The following TRHDE variants were observed in gnomAD, a reference collection of about 807,000 sequenced individuals.
TRHDE encodes the protein thyrotropin-releasing hormone-degrading ectoenzyme.
TRHDE carries 72 observed loss-of-function variants against 125.7 expected under a neutral mutation model. The observed-to-expected ratio is 0.57, with a 90% CI of 0.47 to 0.70. The LOEUF (loss-of-function observed/expected upper bound fraction) is 0.70, where lower values mean the gene tolerates loss of function less well. Ranked by LOEUF, TRHDE falls within the 30% of genes least tolerant of loss-of-function variation. TRHDE has a pLI of 0.00. For missense variants in TRHDE, 1,110 were observed against 1,327.1 expected (o/e 0.84, Z 2.54); for synonymous variants, 509 against 509.1 (o/e 1.00, Z 0.00).
chr12:72,455,319 G>T (rs1875791136), intron 3 of TRHDE, among the ~76,000 whole-genome samples: 1 of 152,034 alleles, frequency 6.6e-6, no homozygotes, highest in East Asian at 1.9e-4. Flanking sequence ...GTAATATAAT[G>T]ATAACAACCA....
chr12:72,576,114 A>C (rs534071697), intron 12 of TRHDE, among the ~76,000 whole-genome samples: 2 of 152,280 alleles, frequency 1.3e-5, no homozygotes, highest in South Asian at 4.1e-4. Flanking sequence ...ATAGTCATTA[A>C]ATGAAATGTT....
intron 3 of TRHDE, among the ~76,000 whole-genome samples, chr12:72,464,850 G>A (rs1876294840): frequency 1.3e-5 from 2 of 152,280 alleles, no homozygotes; most frequent in South Asian, 2.1e-4. Context: ...TTGAGGGTGA[G>A]TAGGAGGCAA....
intron 3 of TRHDE, among the ~76,000 whole-genome samples, chr12:72,390,951 G>A (rs1337715316): frequency 1.3e-5 from 2 of 152,036 alleles, no homozygotes; most frequent in African/African-American, 4.8e-5. Flanking sequence ...TAATATAAAA[G>A]GCGAGTCCTC....
chr12:72,641,311 AATTT>A (rs1448023849), intron 15 of TRHDE, among the ~76,000 whole-genome samples: 1 of 152,182 alleles, frequency 6.6e-6, no homozygotes, highest in Non-Finnish European at 1.5e-5. Flanking sequence ...ACAGTAACAG[AATTT>A]ATTTTTACAA....
At chr12:72,659,913 GAC>G (rs1483330462) in intron 18 of TRHDE, among the ~76,000 whole-genome samples, 2 of 152,090 alleles carry the variant, frequency 1.3e-5, no homozygotes, top group African/African-American at 4.8e-5. Flanking sequence ...AAGAAATAAA[GAC>G]ACAAGACAAA....
chr12:72,272,855 G>A lies in TRHDE; in HGVS notation c.212G>A (p.Arg71Gln), dbSNP rs774425790. 1.0e-5 allele frequency: 16 copies of A among 1,581,792 alleles called. No homozygotes were observed. Among genetic ancestry groups the A allele is most frequent in the Middle Eastern group, 3.6e-4 (2 of 5,486 alleles). The change falls in exon 1 of 19, where the codon CGA becomes CAA. Residue 71 changes from arginine to glutamine, a missense_variant. Transcript: ENST00000261180. The surrounding 1 kb of genome is among the most constrained non-coding windows in gnomAD (Gnocchi z 6.7). ...CCGTGGGCAGACTCAGTGGGAGTGCGACCCCGCACCACGGAGCGCCACATC... is the reference window on the plus strand; with the variant it reads ...CCGTGGGCAGACTCAGTGGGAGTGCAACCCCGCACCACGGAGCGCCACATC... ...SDPWADSVGV[R>Q]PRTTERHIAV... is the part of the protein sequence containing the mutation.
chr12:72,154,279 C>T (rs957353077), intron 2 of TRHDE, among the ~76,000 whole-genome samples: 3 of 152,110 alleles, frequency 2.0e-5, no homozygotes. Flanking sequence ...TTATTTTGAG[C>T]CTATGTGTGT....
intron 2 of TRHDE, among the ~76,000 whole-genome samples, chr12:72,128,020 A>T (rs981546415): frequency 6.6e-5 from 10 of 152,226 alleles, no homozygotes; most frequent in African/African-American, 2.4e-4. Context: ...CTGCAAAAAA[A>T]ACAGAACCCT....
intron 3 of TRHDE, among the ~76,000 whole-genome samples, chr12:72,409,096 G>A (rs1278501271): frequency 6.6e-6 from 1 of 152,154 alleles, no homozygotes; most frequent in African/African-American, 2.4e-5. Context: ...ATATCATAGT[G>A]AAGCATCAGT....
chr12:72,560,508 C>A (rs117207520), intron 7 of TRHDE: 2 of 152,250 alleles, frequency 1.3e-5, no homozygotes, highest in Non-Finnish European at 2.9e-5. Context: ...ATATTAGCAC[C>A]TTTTATTATT....
intron 2 of TRHDE, among the ~76,000 whole-genome samples, chr12:72,298,293 G>T (rs943753091): frequency 5.9e-5 from 9 of 152,266 alleles, no homozygotes; most frequent in African/African-American, 1.9e-4. Flanking sequence ...AGAGAGGAAG[G>T]AGATGATTCT....
intron 3 of TRHDE, among the ~76,000 whole-genome samples, chr12:72,421,803 C>CT (rs1873966839): frequency 6.6e-6 from 1 of 152,054 alleles, no homozygotes; most frequent in South Asian, 2.1e-4. Context: ...CACACTTAGG[C>CT]TTTTTTAGAC....
intron 2 of TRHDE, among the ~76,000 whole-genome samples, chr12:72,179,530 G>A (rs186682684): frequency 3.6e-4 from 55 of 151,984 alleles, no homozygotes; most frequent in African/African-American, 1.3e-3. Context: ...TGCTTTTCAT[G>A]GCATCCCTAC....
chr12:72,241,502 A>G (rs1878482469), intron 2 of TRHDE, among the ~76,000 whole-genome samples: 1 of 152,186 alleles, frequency 6.6e-6, no homozygotes, highest in African/African-American at 2.4e-5. Context: ...AGTAGTATTT[A>G]TTATAAATAT....
chr12:72,454,706 A>C (rs1341892272), intron 3 of TRHDE, among the ~76,000 whole-genome samples: 3 of 152,210 alleles, frequency 2.0e-5, no homozygotes, highest in African/African-American at 7.2e-5. Context: ...ACATATAAGT[A>C]GTCTGAGGAT....
intron 3 of TRHDE, among the ~76,000 whole-genome samples, chr12:72,427,487 A>G (rs1268761035): frequency 1.3e-5 from 2 of 150,870 alleles, no homozygotes; most frequent in Non-Finnish European, 3.0e-5. Flanking sequence ...ATTGGTTTTT[A>G]CTCTTCTTTT....
At chr12:72,288,537 A>G (rs1476285040) in intron 2 of TRHDE, among the ~76,000 whole-genome samples, 1 of 152,158 alleles carries the variant, frequency 6.6e-6, no homozygotes, top group Admixed American at 6.5e-5. Context: ...TTCTATGGGC[A>G]TTTCAAGGCT....
chr12:72,298,033 A>G (rs78787537), intron 2 of TRHDE, among the ~76,000 whole-genome samples: 3 of 152,306 alleles, frequency 2.0e-5, no homozygotes, highest in East Asian at 3.9e-4. Flanking sequence ...GCTTTGGCTT[A>G]TGGTGGATTC....
chr12:72,572,008 C>CACAT (rs1173942192), intron 10 of TRHDE, among the ~76,000 whole-genome samples: 1 of 151,256 alleles, frequency 6.6e-6, no homozygotes, highest in East Asian at 1.9e-4. Flanking sequence ...CACACACACA[C>CACAT]ACACACACAC....
Sources: gnomAD v4.1 joint callset for allele counts (sites outside exome capture counted in the v4.1 genomes callset) on GRCh38, gnomAD v4.1.1 for gene constraint, Gnocchi (gnomAD v3.1) non-coding constraint, MANE v1.5 for transcripts, NCBI Gene and HGNC (gene_info 2026-07-23, HGNC 2026-07-21) for gene names.